Variants in CSNK1G1 observed in about 807,000 individuals in gnomAD.
CSNK1G1 encodes the protein casein kinase 1 gamma 1, also known as casein kinase I isoform gamma-1.
In CSNK1G1, 22 loss-of-function variants were observed where a neutral mutation model predicts 59.6. That is an observed-to-expected ratio of 0.37 (90% confidence interval 0.26 to 0.53). CSNK1G1 has a LOEUF of 0.53. Ranked by LOEUF, CSNK1G1 falls within the 20% of genes least tolerant of loss-of-function variation. CSNK1G1 has a pLI of 0.89. For synonymous variants in CSNK1G1, 179 were observed against 177.1 expected (o/e 1.01, Z -0.08); for missense variants, 384 against 519.5 (o/e 0.74, Z 2.54).
At chr15:64,186,848 G>C (rs543549913) in intron 10 of CSNK1G1, among the ~76,000 whole-genome samples, 1 of 151,928 alleles carries the variant, frequency 6.6e-6, no homozygotes, top group African/African-American at 2.4e-5. Flanking sequence ...TTTTGAGACG[G>C]AATCTCAGTC....
chr15:64,280,862 C>T (rs1018842112), intron 2 of CSNK1G1, among the ~76,000 whole-genome samples: 1 of 151,954 alleles, frequency 6.6e-6, no homozygotes, highest in Admixed American at 6.6e-5. Flanking sequence ...GATTATTCAA[C>T]TTGAAAAAGG....
chr15:64,215,204 CTTTTTTTTTT>C (rs11343127), intron 5 of CSNK1G1, among the ~76,000 whole-genome samples: 3 of 81,728 alleles, frequency 3.7e-5, no homozygotes, highest in African/African-American at 1.8e-4. Context: ...TTTCTACTAA[CTTTTTTTTTT>C]TTTTTTTTTT....
At position 64,214,043 on chromosome 15, in the gene CSNK1G1, C is replaced by A. The variant is rs1338735042; in HGVS notation, c.526G>T (p.Gly176Cys). The change falls in exon 6 of 12, where the codon GGC becomes TGC. Residue 176 changes from glycine (G) to cysteine (C), a missense_variant. Gly to Cys is a radical substitution (Grantham distance 159). Coordinates refer to ENST00000303052, the MANE Select transcript of CSNK1G1 (RefSeq NM_022048.5). The surrounding 1 kb of genome is among the most constrained non-coding windows in gnomAD (Gnocchi z 4.3). ...TGTATAACATGCTCTTTCTTATTGCCTTGTCGACCAATCAGGAAGTTCTCT... is the reference window on the plus strand; with the variant it reads ...TGTATAACATGCTCTTTCTTATTGCATTGTCGACCAATCAGGAAGTTCTCT... ...KPENFLIGRQ[G>C]NKKEHVIHII... is the part of the protein sequence containing the mutation. The A allele has an allele frequency of 6.2e-7, 1 of 1,614,046 alleles. No individual in the cohort carries two copies. The highest frequency in any genetic ancestry group is 8.5e-7 in the Non-Finnish European group (1 of 1,180,016).
chr15:64,330,705 G>T (rs1696772046), intron 1 of CSNK1G1, among the ~76,000 whole-genome samples: 1 of 83,962 alleles, frequency 1.2e-5, no homozygotes, highest in Non-Finnish European at 2.4e-5. Flanking sequence ...GAAATAAAAG[G>T]TATTCAATTA....
intron 1 of CSNK1G1, among the ~76,000 whole-genome samples, chr15:64,303,128 G>C (rs1203133718): frequency 6.6e-6 from 1 of 151,682 alleles, no homozygotes; most frequent in East Asian, 1.9e-4. Context: ...TACTTGGGAG[G>C]CTGAGATGGG....
chr15:64,288,720 A>G (rs190123802), intron 2 of CSNK1G1, among the ~76,000 whole-genome samples: 1 of 152,104 alleles, frequency 6.6e-6, no homozygotes, highest in Non-Finnish European at 1.5e-5. Context: ...TTTCTTTGAC[A>G]AAAGCTTTGC....
chr15:64,311,212 AT>A (rs1895978710), intron 1 of CSNK1G1, among the ~76,000 whole-genome samples: 1 of 151,634 alleles, frequency 6.6e-6, no homozygotes, highest in Admixed American at 6.6e-5. Flanking sequence ...TGCCCAGCTA[AT>A]TTTGGTATTT....
rs1001355549 is a variant in CSNK1G1 at position 64,200,732 on chromosome 15, T to G, written c.1107+2350A>C. Among the ~76,000 whole-genome samples the G allele has an allele frequency of 1.3e-5, 2 of 152,208 alleles. No homozygotes were observed. The highest frequency in any genetic ancestry group is 4.8e-5 in the African/African-American group (2 of 41,460). On this transcript the variant is annotated intron_variant, in intron 10 of 11. Transcript: ENST00000303052. This position sits in a 1 kb window ranked among gnomAD's most constrained non-coding sequence, Gnocchi z 4.3. ...CCTATTTCTGTTAATAATTTTGATCTCCTTCCATTGATTCTGCTTATTTCC... is the reference window on the plus strand; with the variant it reads ...CCTATTTCTGTTAATAATTTTGATCGCCTTCCATTGATTCTGCTTATTTCC...
chr15:64,276,716 C>G (rs1015354608), intron 2 of CSNK1G1, among the ~76,000 whole-genome samples: 3 of 152,014 alleles, frequency 2.0e-5, no homozygotes, highest in African/African-American at 7.2e-5. Flanking sequence ...GAGGCCGAGG[C>G]AGGTGGATCA....
chr15:64,351,004 C>T (rs72758914), intron 1 of CSNK1G1, among the ~76,000 whole-genome samples: 6,726 of 151,928 alleles, frequency 0.044, 197 homozygotes, highest in South Asian at 0.085. Context: ...ACTATCATTC[C>T]ACAAATTCAA....
chr15:64,189,340 C>T, intron 10 of CSNK1G1: 3 of 1,195,672 alleles, frequency 2.5e-6, no homozygotes, highest in Non-Finnish European at 3.2e-6. Flanking sequence ...TCCTTCTTTA[C>T]CTGCTTTTTA....
At chr15:64,243,799 A>T (rs1184068264) in intron 4 of CSNK1G1, among the ~76,000 whole-genome samples, 4 of 150,134 alleles carry the variant, frequency 2.7e-5, no homozygotes, top group Non-Finnish European at 5.9e-5. Flanking sequence ...GAGCCTGAGA[A>T]GTGGAGGTTG....
At chr15:64,236,982 T>G (rs573295436) in intron 4 of CSNK1G1, among the ~76,000 whole-genome samples, 5 of 152,260 alleles carry the variant, frequency 3.3e-5, no homozygotes, top group South Asian at 2.1e-4. Flanking sequence ...ATCCTGTCAT[T>G]TGCAGCAACA....
At chr15:64,351,572 T>A (rs1429199483) in intron 1 of CSNK1G1, among the ~76,000 whole-genome samples, 3 of 152,186 alleles carry the variant, frequency 2.0e-5, no homozygotes, top group African/African-American at 7.2e-5. Flanking sequence ...ATACTATCTC[T>A]TATATCAAAA....
At chr15:64,323,948 G>A (rs572522783) in intron 1 of CSNK1G1, among the ~76,000 whole-genome samples, 1 of 152,200 alleles carries the variant, frequency 6.6e-6, no homozygotes, top group Non-Finnish European at 1.5e-5. Context: ...TATGCACCAG[G>A]TACACTTTAA....
At chr15:64,325,013 G>T (rs1334854191) in intron 1 of CSNK1G1, among the ~76,000 whole-genome samples, 1 of 152,150 alleles carries the variant, frequency 6.6e-6, no homozygotes, top group East Asian at 1.9e-4. Flanking sequence ...TCTGTAATAT[G>T]TGTTAGCAGG....
At chr15:64,254,318 T>C (rs1412253600) in intron 3 of CSNK1G1, among the ~76,000 whole-genome samples, 8 of 151,812 alleles carry the variant, frequency 5.3e-5, no homozygotes, top group Non-Finnish European at 1.2e-4. Context: ...TGGTGATGGT[T>C]GTACACCAAT....
intron 4 of CSNK1G1, among the ~76,000 whole-genome samples, chr15:64,219,777 C>CT (rs750402203): frequency 0.1 from 13,854 of 136,218 alleles, 811 homozygotes; most frequent in Non-Finnish European, 0.12. Context: ...CTTTTCTTTT[C>CT]TTTTTTTTTT....
At chr15:64,327,270 CCCTGTCTGACAGCTTTGAAGAGAGCAG>C (rs1896899297) in intron 1 of CSNK1G1, among the ~76,000 whole-genome samples, 1 of 151,264 alleles carries the variant, frequency 6.6e-6, no homozygotes, top group African/African-American at 2.4e-5. Flanking sequence ...ACTTAAATGT[CCCTGTCTGACAGCTTTGAAGAGAGCAG>C]TGGTTCTCCC....
Sources: gnomAD v4.1 joint callset for allele counts (sites outside exome capture counted in the v4.1 genomes callset) on GRCh38, gnomAD v4.1.1 for gene constraint, Gnocchi (gnomAD v3.1) non-coding constraint, MANE v1.5 for transcripts, NCBI Gene and HGNC (gene_info 2026-07-23, HGNC 2026-07-21) for gene names.